Variants in CADPS2 observed in about 807,000 individuals in gnomAD.
CADPS2 encodes calcium-dependent secretion activator 2.
In CADPS2, 93 loss-of-function variants were observed where a neutral mutation model predicts 172.5. The ratio of observed to expected loss-of-function variants is 0.54; its 90% confidence interval spans 0.46 to 0.64. The LOEUF is 0.64. Among genes scored for constraint, CADPS2 ranks in the 30% least tolerant of loss-of-function variants. The pLI is 0.00. For synonymous variants in CADPS2, 546 were observed against 555.2 expected (o/e 0.98, Z 0.23); for missense variants, 1,420 against 1,565.9 (o/e 0.91, Z 1.57).
rs926117109 is a variant in CADPS2 at position 122,318,496 on chromosome 7, C to G, written c.*1669G>C. ...AATTACTAAGTACAGAGCAATGTGT[C>G]GTGGAACAGCAAGCTTGGGGATGGT... On this transcript the variant is annotated 3_prime_UTR_variant, in exon 30 of 30. Transcript: ENST00000449022. The G allele has an allele frequency of 2.0e-5, 3 of 152,170 alleles. No homozygotes were observed. The highest frequency in any genetic ancestry group is 7.2e-5 in the African/African-American group (3 of 41,390). The allele number at this position is 152,170 out of a possible 1,614,324, so 9.4% of individuals were successfully genotyped here. A position where few individuals can be genotyped will look rare whatever the true frequency, so the allele number is the denominator to read the frequency against.
At chr7:122,401,066 T>C (rs1236873581) in intron 20 of CADPS2, among the ~76,000 whole-genome samples, 1 of 152,226 alleles carries the variant, frequency 6.6e-6, no homozygotes. Context: ...CTAATTTGAC[T>C]CCACTTCACT....
chr7:122,793,926 C>A (rs999184687), intron 1 of CADPS2, among the ~76,000 whole-genome samples: 5 of 152,064 alleles, frequency 3.3e-5, no homozygotes, highest in Admixed American at 2.6e-4. Flanking sequence ...GTTGGAATTT[C>A]TTTTCTTTAA....
At chr7:122,544,313 T>C (rs758962635) in intron 8 of CADPS2, among the ~76,000 whole-genome samples, 3 of 152,180 alleles carry the variant, frequency 2.0e-5, no homozygotes, top group Non-Finnish European at 4.4e-5. Flanking sequence ...TTATGATTAA[T>C]CCAGCTCCAT....
intron 1 of CADPS2, among the ~76,000 whole-genome samples, chr7:122,846,270 T>A (rs1811963158): frequency 6.6e-6 from 1 of 152,164 alleles, no homozygotes; most frequent in Admixed American, 6.5e-5. Context: ...AACAACCCAG[T>A]GCAAGAAAAA....
intron 1 of CADPS2, among the ~76,000 whole-genome samples, chr7:122,795,061 T>G (rs2139779265): frequency 6.6e-6 from 1 of 151,528 alleles, no homozygotes; most frequent in East Asian, 1.9e-4. Flanking sequence ...CTGAAAGAAC[T>G]AGAGAACCAA....
chr7:122,614,093 C>T (rs987411786), intron 6 of CADPS2, among the ~76,000 whole-genome samples: 14 of 151,646 alleles, frequency 9.2e-5, no homozygotes, highest in Non-Finnish European at 1.5e-4. Context: ...AAAGCAAGTG[C>T]GACACTGAGA....
chr7:122,514,950 T>C (rs2060250247), intron 8 of CADPS2, among the ~76,000 whole-genome samples: 2 of 152,188 alleles, frequency 1.3e-5, no homozygotes, highest in Admixed American at 6.5e-5. Flanking sequence ...ATATTACTAA[T>C]AGTATCTTTG....
chr7:122,620,579 A>G (rs2133975929), intron 5 of CADPS2, among the ~76,000 whole-genome samples: 1 of 152,326 alleles, frequency 6.6e-6, no homozygotes. Flanking sequence ...TGATTTGCAT[A>G]AAATAATGAA....
At chr7:122,371,731 G>A (rs2041787689) in intron 25 of CADPS2, among the ~76,000 whole-genome samples, 1 of 152,150 alleles carries the variant, frequency 6.6e-6, no homozygotes, top group South Asian at 2.1e-4. Flanking sequence ...GCAGAAAAGG[G>A]AGTGTTTAGG....
At chr7:122,831,617 T>G (rs1806584891) in intron 1 of CADPS2, among the ~76,000 whole-genome samples, 1 of 152,234 alleles carries the variant, frequency 6.6e-6, no homozygotes, top group Non-Finnish European at 1.5e-5. Flanking sequence ...TTCAACCGCC[T>G]GAACCTCACT....
intron 4 of CADPS2, among the ~76,000 whole-genome samples, chr7:122,627,998 C>A (rs1172517551): frequency 6.6e-6 from 1 of 152,092 alleles, no homozygotes; most frequent in African/African-American, 2.4e-5. Context: ...GCATGCTATC[C>A]TTTCAATCAC....
intron 1 of CADPS2, among the ~76,000 whole-genome samples, chr7:122,814,072 T>A (rs1800717790): frequency 6.6e-6 from 1 of 151,980 alleles, no homozygotes; most frequent in African/African-American, 2.4e-5. Flanking sequence ...GAGAAAAATT[T>A]CAGTAACTTG....
At chr7:122,507,611 C>T (rs780266324) in intron 9 of CADPS2, among the ~76,000 whole-genome samples, 4 of 152,118 alleles carry the variant, frequency 2.6e-5, no homozygotes, top group Non-Finnish European at 5.9e-5. Flanking sequence ...ATGAGTTATT[C>T]TAAGTGCAAA....
intron 3 of CADPS2, among the ~76,000 whole-genome samples, chr7:122,640,111 T>C (rs974536910): frequency 2.0e-5 from 3 of 152,196 alleles, no homozygotes; most frequent in African/African-American, 7.2e-5. Context: ...TCTCTACCAG[T>C]TGCTCAGGCC....
intron 17 of CADPS2, among the ~76,000 whole-genome samples, chr7:122,428,529 G>A (rs941109438): frequency 8.0e-5 from 12 of 150,170 alleles, no homozygotes; most frequent in South Asian, 2.1e-4. Context: ...GTACAGTGGC[G>A]CAATCACGGC....
At chr7:122,638,787 C>G (rs968424254) in intron 3 of CADPS2, among the ~76,000 whole-genome samples, 1 of 152,206 alleles carries the variant, frequency 6.6e-6, no homozygotes, top group East Asian at 1.9e-4. Context: ...TCATGCTGGT[C>G]CCAGGCAGGC....
At chr7:122,343,941 G>A (rs1443019334) in intron 28 of CADPS2, among the ~76,000 whole-genome samples, 4 of 152,122 alleles carry the variant, frequency 2.6e-5, no homozygotes, top group Admixed American at 2.6e-4. Flanking sequence ...CCCCTGCAGG[G>A]CATCAAAGCT....
intron 6 of CADPS2, among the ~76,000 whole-genome samples, chr7:122,591,971 G>C (rs1221285269): frequency 2.6e-5 from 4 of 151,396 alleles, no homozygotes; most frequent in African/African-American, 9.7e-5. Flanking sequence ...GGCAACAAAA[G>C]ACAAAATTGA....
At chr7:122,736,574 A>G (rs2092165437) in intron 2 of CADPS2, among the ~76,000 whole-genome samples, 1 of 152,196 alleles carries the variant, frequency 6.6e-6, no homozygotes, top group African/African-American at 2.4e-5. Context: ...TACTAGCTTT[A>G]ATTATTATAA....
Sources: allele counts gnomAD v4.1 joint callset (sites outside exome capture counted in the v4.1 genomes callset), GRCh38; gene constraint gnomAD v4.1.1; transcripts MANE v1.5; gene names NCBI Gene and HGNC (gene_info 2026-07-23, HGNC 2026-07-21).